Variants in SLC10A2 observed in about 807,000 individuals in gnomAD.
SLC10A2 encodes the protein ileal sodium/bile acid cotransporter.
A neutral mutation model predicts 27.1 loss-of-function variants in SLC10A2; 34 were observed. That is an observed-to-expected ratio of 1.26 (90% confidence interval 0.96 to 1.67). SLC10A2 has a LOEUF of 1.67. Ranked by LOEUF, SLC10A2 falls within the 40% of genes most tolerant of loss-of-function variation. SLC10A2 has a pLI of 0.00. For synonymous variants in SLC10A2, 205 were observed against 174.0 expected (o/e 1.18, Z -1.40); for missense variants, 530 against 444.4 (o/e 1.19, Z -1.73).
rs1200077736 is a variant in SLC10A2 at position 103,065,988 on chromosome 13, C to A, written c.262G>T (p.Val88Leu). Residue 88 changes from valine to leucine, a missense_variant, in exon 1 of 6, where the codon GTG (valine) becomes TTG (leucine). Val to Leu is a conservative substitution (Grantham distance 32, BLOSUM62 1). Coordinates refer to ENST00000245312, the MANE Select transcript of SLC10A2 (RefSeq NM_000452.3). ...TGGAGCGGGAGGATGTCAAAGGCCA[C>A]CGACAGGATGAATCCTGTGAGGGGC... Reference protein sequence around the residue: ...IMPLTGFILSVAFDILPLQAV... With the variant: ...IMPLTGFILSLAFDILPLQAV... The A allele has an allele frequency of 6.2e-7, 1 of 1,614,036 alleles. No individual in the cohort carries two copies. The highest frequency in any genetic ancestry group is 8.5e-7 in the Non-Finnish European group (1 of 1,179,960).
rs1375618433 is a variant in SLC10A2, at chr13:103,044,205, A to G, written c.*1928T>C. 4.6e-5 allele frequency: 7 copies of G among 152,228 alleles called. No homozygotes were observed. The highest frequency in any genetic ancestry group is 1.0e-4 in the Non-Finnish European group (7 of 68,042). 9.4% of individuals were successfully genotyped at this position (152,228 alleles called of 1,614,324 possible). A position where few individuals can be genotyped will look rare whatever the true frequency, so the allele number is the denominator to read the frequency against. On this transcript the variant is annotated 3_prime_UTR_variant, in exon 6 of 6. Transcript: ENST00000245312. ...GTCACAAGTTACCGCATCATGTAAG[A>G]AAGCCAAGTCCTATCTTGCTCACCT...
chr13:103,047,628 AC>A (rs1293375245), intron 5 of SLC10A2, among the ~76,000 whole-genome samples: 1 of 146,900 alleles, frequency 6.8e-6, no homozygotes, highest in Non-Finnish European at 1.5e-5. Context: ...TAGCCTTACC[AC>A]CAAAATATGT....
In SLC10A2 at chr13:103,046,272, T is replaced by C. The variant is rs1357347620; in HGVS notation, c.920-12A>G. 6.2e-7 allele frequency: 1 copy of C among 1,604,478 alleles called. No individual in the cohort carries two copies. The highest frequency in any genetic ancestry group is 1.7e-5 in the Admixed American group (1 of 59,856). On this transcript the variant is annotated splice_polypyrimidine_tract_variant and intron_variant, in intron 5 of 5. Transcript: ENST00000245312. The stretch of plus-strand genomic sequence containing the variant: ...GTATGCCACATAAACTAGAAAACAA[T>C]ACACAGACAGTTAAGTAAATTTTAT...
intron 2 of SLC10A2, among the ~76,000 whole-genome samples, chr13:103,057,091 A>T (rs1875959718): frequency 6.6e-6 from 1 of 152,196 alleles, no homozygotes; most frequent in African/African-American, 2.4e-5. Context: ...CTTTGCTTGG[A>T]TGCTTTCTTC....
chr13:103,059,660 G>A (rs1032396239), intron 1 of SLC10A2, among the ~76,000 whole-genome samples: 2 of 152,096 alleles, frequency 1.3e-5, no homozygotes, highest in Non-Finnish European at 2.9e-5. Flanking sequence ...TATAAGGTTC[G>A]CTGGGTGTGC....
At chr13:103,054,344 T>C (rs1431770053) in intron 2 of SLC10A2, among the ~76,000 whole-genome samples, 1 of 152,202 alleles carries the variant, frequency 6.6e-6, no homozygotes, top group African/African-American at 2.4e-5. Context: ...CTTCTTTTCT[T>C]TATAAATTAT....
At chr13:103,059,220 T>A (rs11839892) in intron 1 of SLC10A2, among the ~76,000 whole-genome samples, 42,340 of 152,136 alleles carry the variant, frequency 0.28, 6,063 homozygotes, top group South Asian at 0.3. Flanking sequence ...GATGTTGAAC[T>A]TTTTTTCATA....
At chr13:103,052,581 C>G in intron 3 of SLC10A2, 39 bp downstream of exon 3, 1 of 1,340,044 alleles carries the variant, frequency 7.5e-7, no homozygotes, top group Non-Finnish European at 1.1e-6. Flanking sequence ...TTTTGATTGT[C>G]ACAGTGGAAT....
rs1446339795 is a variant in SLC10A2 at position 103,045,026 on chromosome 13, A to G, written c.*1107T>C. ...CTGGGACACGTTCTCTGTTTCAAAT[A>G]CTGTTTAATACTCATTTCCTGATCA... On this transcript the variant is annotated 3_prime_UTR_variant, in exon 6 of 6. Transcript: ENST00000245312. 1 of 152,164 alleles carries G rather than the reference A, an allele frequency of 6.6e-6. No individual in the cohort carries two copies. The highest frequency in any genetic ancestry group is 1.5e-5 in the Non-Finnish European group (1 of 68,042). 9.4% of individuals were successfully genotyped at this position (152,164 alleles called of 1,614,324 possible).
chr13:103,049,317 C>G lies in SLC10A2; in HGVS notation c.891G>C (p.Gln297His), dbSNP rs779709198. Residue 297 changes from glutamine (Q) to histidine (H), a missense_variant, in exon 5 of 6, where the codon CAG (glutamine) becomes CAC (histidine). Coordinates refer to ENST00000245312, the MANE Select transcript of SLC10A2 (RefSeq NM_000452.3). ...FTFPLIYSIF[Q>H]LAFAAIFLGF... is the part of the protein sequence containing the mutation. ...CTAAGAATATTGCGGCAAAGGCGAGCTGGAAAATGCTGTAGATGAGCGGGA... is the reference window on the plus strand; with the variant it reads ...CTAAGAATATTGCGGCAAAGGCGAGGTGGAAAATGCTGTAGATGAGCGGGA... 1.2e-5 allele frequency: 19 copies of G among 1,613,720 alleles called. No homozygotes were observed. In the South Asian group the frequency reaches 2.1e-4, roughly 18 times the overall value.
chr13:103,064,177 G>T (rs1459839740), intron 1 of SLC10A2, among the ~76,000 whole-genome samples: 1 of 152,128 alleles, frequency 6.6e-6, no homozygotes, highest in Admixed American at 6.6e-5. Context: ...ATTTTGACTT[G>T]CTGGAAGGAT....
intron 1 of SLC10A2, among the ~76,000 whole-genome samples, chr13:103,061,669 C>T (rs983211303): frequency 2.6e-5 from 4 of 151,664 alleles, no homozygotes; most frequent in Admixed American, 6.6e-5. Context: ...TCTTAAGGAT[C>T]GTGATGAGGG....
Position 103,065,867 on chromosome 13 carries a change from T to C in SLC10A2, c.377+6A>G. ...TTGCAGTAGTTAGAGGTATAGATAA[T>C]CTTACCTCAGGTCCATGTCGCCATC... is the stretch of plus-strand genomic sequence containing the variant. On this transcript the variant is annotated splice_donor_region_variant and intron_variant, in intron 1 of 5. Coordinates refer to ENST00000245312, the MANE Select transcript of SLC10A2 (RefSeq NM_000452.3). The C allele has an allele frequency of 6.2e-7, 1 of 1,613,900 alleles. No homozygotes were observed. Among genetic ancestry groups the C allele is most frequent in the Non-Finnish European group, 8.5e-7 (1 of 1,179,918 alleles).
intron 3 of SLC10A2, among the ~76,000 whole-genome samples, chr13:103,051,907 TA>T (rs1030052364): frequency 6.6e-6 from 1 of 151,848 alleles, no homozygotes; most frequent in African/African-American, 2.4e-5. Flanking sequence ...TATACAACTT[TA>T]AAAAAGGTAT....
At chr13:103,051,844 C>A (rs1378825051) in intron 3 of SLC10A2, among the ~76,000 whole-genome samples, 1 of 152,164 alleles carries the variant, frequency 6.6e-6, no homozygotes, top group African/African-American at 2.4e-5. Flanking sequence ...TAAAATGTCG[C>A]CCCAGCTTCC....
At chr13:103,065,844 G>A (rs1425169444) in intron 1 of SLC10A2, 29 bp downstream of exon 1, 1 of 1,613,000 alleles carries the variant, frequency 6.2e-7, no homozygotes, top group Non-Finnish European at 8.5e-7. Flanking sequence ...CAAGGTGATT[G>A]CAGTAGTTAG....
At chr13:103,048,352 C>T (rs960614576) in intron 5 of SLC10A2, among the ~76,000 whole-genome samples, 1 of 149,574 alleles carries the variant, frequency 6.7e-6, no homozygotes, top group Non-Finnish European at 1.5e-5. Flanking sequence ...GATCACACCA[C>T]TGCAATCCTG....
Position 103,046,201 on chromosome 13 carries a change from C to T in SLC10A2, c.979G>A (p.Glu327Lys). The change falls in exon 6 of 6, where the codon GAA (glutamate) becomes AAA (lysine). Residue 327 changes from glutamate (E) to lysine (K), a missense_variant. Transcript: ENST00000245312. ...GATGACTCTGGCTCCGTTCCATTTT[C>T]TTTGCTCTCTGGAATTTCTGCCTTG... ...KNKAEIPESKENGTEPESSFY... is the reference protein window; with the variant it reads ...KNKAEIPESKKNGTEPESSFY... The T allele has an allele frequency of 2.5e-6, 4 of 1,613,858 alleles. No individual in the cohort carries two copies. The highest frequency in any genetic ancestry group is 2.5e-6 in the Non-Finnish European group (3 of 1,179,810).
chr13:103,058,301 G>C lies in SLC10A2; in HGVS notation c.459C>G (p.Val153=). 1 of 1,612,292 alleles carries C rather than the reference G, an allele frequency of 6.2e-7. No individual in the cohort carries two copies. The highest frequency in any genetic ancestry group is 1.7e-5 in the Admixed American group (1 of 59,994). Residue 153 remains valine, a synonymous_variant, in exon 2 of 6, where the codon GTC becomes GTG. Transcript: ENST00000245312. The part of the protein sequence containing the change: ...LCLLIYTKMW[V]DSGSIVIPYD... ...AGGGAATTACGATGCTCCCAGAGTCGACCCACATTTTGGTATAGATAAGGA... is the reference window on the plus strand; with the variant it reads ...AGGGAATTACGATGCTCCCAGAGTCCACCCACATTTTGGTATAGATAAGGA...
Sources: gnomAD v4.1 joint callset for allele counts (sites outside exome capture counted in the v4.1 genomes callset) on GRCh38, gnomAD v4.1.1 for gene constraint, MANE v1.5 for transcripts, NCBI Gene and HGNC (gene_info 2026-07-23, HGNC 2026-07-21) for gene names.